TMEM26: variants seen among roughly 807,000 people sequenced by gnomAD.
TMEM26 encodes the protein transmembrane protein 26.
In TMEM26, 38 loss-of-function variants were observed where a neutral mutation model predicts 28.8. The observed-to-expected ratio is 1.32, with a 90% CI of 1.02 to 1.73. The LOEUF is 1.73. TMEM26 is among the 40% of genes most tolerant of loss of function. The probability of loss-of-function intolerance (pLI) is 0.00; values close to 1 mark genes in which losing one functional copy is unlikely to be tolerated. For missense variants in TMEM26, 518 were observed against 447.1 expected, an observed-to-expected ratio of 1.16 and a Z score of -1.43; for synonymous variants, 227 against 182.9, an observed-to-expected ratio of 1.24 and a Z score of -1.95.
At chr10:61,428,164 A>G (rs1032099914) in intron 4 of TMEM26, among the ~76,000 whole-genome samples, 1 of 152,106 alleles carries the variant, frequency 6.6e-6, no homozygotes, top group Non-Finnish European at 1.5e-5. Context: ...ATTAAAAGCC[A>G]GACTCATTCC....
At chr10:61,442,789 G>A (rs1444157593) in intron 1 of TMEM26, among the ~76,000 whole-genome samples, 1 of 152,182 alleles carries the variant, frequency 6.6e-6, no homozygotes, top group South Asian at 2.1e-4. Context: ...AGACTCATTT[G>A]TCTAAGTGGG....
At chr10:61,429,260 G>A (rs890224278) in intron 3 of TMEM26, 114 bp from the exon 4 acceptor site, 1 of 819,608 alleles carries the variant, frequency 1.2e-6, no homozygotes, top group Non-Finnish European at 1.9e-6. Context: ...TAATTTTCAG[G>A]AGTTATTCTT....
intron 1 of TMEM26, among the ~76,000 whole-genome samples, chr10:61,439,395 T>TTA (rs1840056610): frequency 6.6e-6 from 1 of 152,182 alleles, no homozygotes; most frequent in Non-Finnish European, 1.5e-5. Flanking sequence ...TTACTAAGTC[T>TTA]CAAATTAATG....
intron 4 of TMEM26, among the ~76,000 whole-genome samples, chr10:61,423,624 C>T (rs1423327818): frequency 6.6e-6 from 1 of 152,028 alleles, no homozygotes; most frequent in Non-Finnish European, 1.5e-5. Flanking sequence ...TCTGGTCCCA[C>T]CTGCTTGGGA....
At position 61,432,655 on chromosome 10, in the gene TMEM26, T is replaced by A. The variant is rs879615202; in HGVS notation, c.271-1323A>T. On this transcript the variant is annotated intron_variant, in intron 2 of 5. Transcript: ENST00000399298. The stretch of plus-strand genomic sequence containing the variant: ...TTGTATTTAGAGAGGACTTATTTTT[T>A]TAAAAAAAATTAAAGCTGTAAGAAG... 1.6e-3 allele frequency among the ~76,000 whole-genome samples: 242 copies of A among 151,808 alleles called. 1 individual carries two copies. Among genetic ancestry groups the A allele is most frequent in the African/African-American group, 4.6e-3 (191 of 41,438 alleles).
chr10:61,421,589 A>G (rs1226630181), intron 4 of TMEM26, among the ~76,000 whole-genome samples: 1 of 152,182 alleles, frequency 6.6e-6, no homozygotes, highest in African/African-American at 2.4e-5. Context: ...AGACAGACAC[A>G]CTGGGGTGAA....
chr10:61,437,015 A>G (rs1163650699), intron 1 of TMEM26, among the ~76,000 whole-genome samples: 1 of 152,176 alleles, frequency 6.6e-6, no homozygotes, highest in Non-Finnish European at 1.5e-5. Flanking sequence ...AAAATACCAT[A>G]GACTATGTGA....
intron 1 of TMEM26, among the ~76,000 whole-genome samples, chr10:61,439,968 A>C (rs577311817): frequency 2.7e-4 from 41 of 152,204 alleles, no homozygotes; most frequent in Non-Finnish European, 4.9e-4. Flanking sequence ...GGCCGTGCAC[A>C]GTGCCTCATG....
intron 4 of TMEM26, among the ~76,000 whole-genome samples, chr10:61,420,924 C>A (rs980837867): frequency 6.6e-6 from 1 of 151,816 alleles, no homozygotes; most frequent in African/African-American, 2.4e-5. Flanking sequence ...TTTCTAATAT[C>A]TTTTTAAAAC....
At chr10:61,428,036 T>C (rs901210704) in intron 4 of TMEM26, among the ~76,000 whole-genome samples, 5 of 152,136 alleles carry the variant, frequency 3.3e-5, no homozygotes, top group Non-Finnish European at 2.9e-5. Flanking sequence ...AGGTAGCTCA[T>C]GTTTATAAAT....
At chr10:61,437,114 T>C (rs1489450592) in intron 1 of TMEM26, among the ~76,000 whole-genome samples, 1 of 152,194 alleles carries the variant, frequency 6.6e-6, no homozygotes, top group African/African-American at 2.4e-5. Context: ...TGGTGAGGAC[T>C]CCCTTCCTGA....
intron 4 of TMEM26, among the ~76,000 whole-genome samples, chr10:61,421,758 C>A (rs1455848402): frequency 6.6e-6 from 1 of 152,086 alleles, no homozygotes; most frequent in Non-Finnish European, 1.5e-5. Flanking sequence ...GGATTCCTAG[C>A]ATCTGGAACT....
At chr10:61,410,770 T>C (rs370327024) in intron 5 of TMEM26, 24 bp from the exon 6 acceptor site, 26 of 1,607,214 alleles carry the variant, frequency 1.6e-5, no homozygotes, top group Non-Finnish European at 2.2e-5. Context: ...ACAGACTAGT[T>C]ACTATCTCTC....
At chr10:61,422,141 G>A (rs1839759911) in intron 4 of TMEM26, among the ~76,000 whole-genome samples, 1 of 151,930 alleles carries the variant, frequency 6.6e-6, no homozygotes, top group South Asian at 2.1e-4. Context: ...TACATACAGA[G>A]CCCCAAAATA....
At position 61,409,957 on chromosome 10, in the gene TMEM26, C is replaced by A. The variant is rs759145471; in HGVS notation, c.*365G>T. 6 of 207,186 alleles carry A rather than the reference C, an allele frequency of 2.9e-5. No homozygotes were observed. The highest frequency in any genetic ancestry group is 4.9e-5 in the Non-Finnish European group (5 of 102,910). 12.8% of individuals were successfully genotyped at this position (207,186 alleles called of 1,614,324 possible). A position where few individuals can be genotyped will look rare whatever the true frequency, so the allele number is the denominator to read the frequency against. Reference sequence around the variant, plus strand: ...AGACGAAATAGTCTGACAATGGAGGCAAAGTTCAAAGCTTCTCTATTTCCA... The same window carrying A: ...AGACGAAATAGTCTGACAATGGAGGAAAAGTTCAAAGCTTCTCTATTTCCA... On this transcript the variant is annotated 3_prime_UTR_variant, in exon 6 of 6. Coordinates refer to ENST00000399298, the MANE Select transcript of TMEM26 (RefSeq NM_178505.8).
At chr10:61,452,560 T>C in intron 1 of TMEM26, 1 of 277,990 alleles carries the variant, frequency 3.6e-6, no homozygotes. Context: ...GCAACCTCCT[T>C]GTCCCAAGAC....
intron 4 of TMEM26, among the ~76,000 whole-genome samples, chr10:61,418,196 A>G (rs1839685620): frequency 6.6e-6 from 1 of 152,052 alleles, no homozygotes; most frequent in Non-Finnish European, 1.5e-5. Flanking sequence ...GTTTTCAAGA[A>G]CTAGGAAAAC....
intron 1 of TMEM26, among the ~76,000 whole-genome samples, chr10:61,451,048 G>C (rs1305667800): frequency 6.6e-6 from 1 of 152,172 alleles, no homozygotes; most frequent in Non-Finnish European, 1.5e-5. Context: ...CTCAAGGTCT[G>C]ACAGCAAGTA....
intron 4 of TMEM26, chr10:61,413,779 C>A: frequency 8.7e-7 from 1 of 1,146,606 alleles, no homozygotes; most frequent in Non-Finnish European, 1.1e-6. Flanking sequence ...CCTCTTGGTC[C>A]CATATTGCTG....
Sources: gnomAD v4.1 joint callset for allele counts (sites outside exome capture counted in the v4.1 genomes callset) on GRCh38, gnomAD v4.1.1 for gene constraint, MANE v1.5 for transcripts, NCBI Gene and HGNC (gene_info 2026-07-23, HGNC 2026-07-21) for gene names.